Variants in PNPLA6 observed in about 807,000 individuals in gnomAD.
PNPLA6 encodes patatin like domain 6, lysophospholipase.
PNPLA6 carries 105 observed loss-of-function variants against 153.7 expected under a neutral mutation model. That is an observed-to-expected ratio of 0.68 (90% confidence interval 0.58 to 0.80). The LOEUF is 0.80. Ranked by LOEUF, PNPLA6 falls within the 30% of genes least tolerant of loss-of-function variation. The probability of loss-of-function intolerance (pLI) is 0.00; values close to 1 mark genes in which losing one functional copy is unlikely to be tolerated. For synonymous variants in PNPLA6, 825 were observed against 822.2 expected (o/e 1.00, Z -0.06); for missense variants, 1,423 against 1,919.3 (o/e 0.74, Z 4.83).
chr19:7,539,324 A>G (rs1298088911), intron 3 of PNPLA6, among the ~76,000 whole-genome samples: 2 of 151,542 alleles, frequency 1.3e-5, no homozygotes, highest in Non-Finnish European at 2.9e-5. Context: ...CTAAAAATAC[A>G]AAAAATTAGC....
At position 7,551,357 on chromosome 19, in the gene PNPLA6, C is replaced by T; in HGVS notation, c.2185-5C>T. On this transcript the variant is annotated splice_polypyrimidine_tract_variant and splice_region_variant and intron_variant, in intron 17 of 31. Coordinates refer to ENST00000600737, the MANE Select transcript of PNPLA6 (RefSeq NM_001166114.2). ...CACTGAAATGCCGGCCTCCAACGCC[C>T]CCAGGTCGTGACCCGCCTTATCCAC... The T allele has an allele frequency of 6.2e-7, 1 of 1,613,870 alleles. No homozygotes were observed. Among genetic ancestry groups the T allele is most frequent in the Non-Finnish European group, 8.5e-7 (1 of 1,179,894 alleles).
chr19:7,539,779 AAG>A, intron 3 of PNPLA6, 137 bp from the exon 4 acceptor site: 1 of 594,222 alleles, frequency 1.7e-6, no homozygotes, highest in East Asian at 2.8e-5. Context: ...AAAAAAAAAA[AAG>A]GTGGCCAGCC....
At position 7,542,651 on chromosome 19, in the gene PNPLA6, C is replaced by G. The variant is rs144028775; in HGVS notation, c.1343C>G (p.Ser448Cys). The G allele has an allele frequency of 1.3e-4, 204 of 1,612,954 alleles. No individual in the cohort carries two copies. Among genetic ancestry groups the G allele is most frequent in the Non-Finnish European group, 1.3e-4 (159 of 1,179,802 alleles). The change falls in exon 11 of 32, where the codon TCC (serine) becomes TGC (cysteine). Residue 448 changes from serine (S) to cysteine (C), a missense_variant. This residue lies in a region of PNPLA6 where 267 missense variants were observed against 255.1 expected (regional missense o/e 1.05). Transcript: ENST00000600737. ...VSLQEEASGG[S>C]LAAPARTPTQ... ...CTGCAGGAAGAGGCCTCCGGGGGGTCCCTGGCAGCCCCCGCTCGGGTAAGG... is the reference window on the plus strand; with the variant it reads ...CTGCAGGAAGAGGCCTCCGGGGGGTGCCTGGCAGCCCCCGCTCGGGTAAGG...
rs115992487 is a variant in PNPLA6 at position 7,549,873 on chromosome 19, G to T, written c.1609-34G>T. On this transcript the variant is annotated intron_variant, in intron 13 of 31. Transcript: ENST00000600737. ...CCTGAGCTGGGGTCCACGCTGTCCG[G>T]GTTCTGTGTTCATCACATCCCCTGC... The T allele has an allele frequency of 2.5e-3, 3,991 of 1,605,374 alleles. 86 individuals carry two copies. In the African/African-American group the frequency reaches 0.046, roughly 19 times the overall value.
Position 7,536,487 on chromosome 19 carries a change from C to T in PNPLA6, c.354C>T (p.Val118=), listed in dbSNP as rs1466287740. ...QSTSSLVDTS[V]SATSRPRMRK... is the part of the protein sequence containing the mutation. ...CCTCCTCCCTCGTGGATACCTCTGTCTCCGCCACCTCCCGGCCACGCATGA... is the reference window on the plus strand; with the variant it reads ...CCTCCTCCCTCGTGGATACCTCTGTTTCCGCCACCTCCCGGCCACGCATGA... Residue 118 remains valine, a synonymous_variant, in exon 3 of 32, where the codon GTC becomes GTT. Transcript: ENST00000600737. 6.2e-7 allele frequency: 1 copy of T among 1,613,972 alleles called. No individual in the cohort carries two copies. The highest frequency in any genetic ancestry group is 8.5e-7 in the Non-Finnish European group (1 of 1,179,826).
At chr19:7,535,275 G>A (rs2022794028), upstream of PNPLA6, 2 of 591,146 alleles carry the variant, frequency 3.4e-6, no homozygotes, top group African/African-American at 1.9e-5. The surrounding 1 kb of genome is among the most constrained non-coding windows in gnomAD (Gnocchi z 5.0). Flanking sequence ...CTACGCGTAG[G>A]CGAAGGGAGC....
intron 27 of PNPLA6, 195 bp downstream of exon 27, chr19:7,557,479 T>C (rs2023933972): frequency 1.6e-6 from 1 of 644,324 alleles, no homozygotes; most frequent in South Asian, 1.7e-5. Flanking sequence ...GACAGCGACA[T>C]GTGCAGTTGA....
At position 7,541,507 on chromosome 19, in the gene PNPLA6, G is replaced by C. The variant is rs1224962546; in HGVS notation, c.1006-15G>C. 4 of 1,611,188 alleles carry C rather than the reference G, an allele frequency of 2.5e-6. No homozygotes were observed. The highest frequency in any genetic ancestry group is 3.4e-6 in the Non-Finnish European group (4 of 1,178,924). ...TCCCTCCCAGGACAGGCCACAAGCTGTTCTCTGCCCCCAGGAGATCCAGCC... is the reference window on the plus strand; with the variant it reads ...TCCCTCCCAGGACAGGCCACAAGCTCTTCTCTGCCCCCAGGAGATCCAGCC... On this transcript the variant is annotated splice_polypyrimidine_tract_variant and intron_variant, in intron 8 of 31. Transcript: ENST00000600737. The surrounding 1 kb of genome is among the most constrained non-coding windows in gnomAD (Gnocchi z 5.2).
At chr19:7,551,642 C>T (rs2023656921) in intron 18 of PNPLA6, among the ~76,000 whole-genome samples, 1 of 152,080 alleles carries the variant, frequency 6.6e-6, no homozygotes, top group Non-Finnish European at 1.5e-5. Context: ...TGCTGGGAAA[C>T]GAAGTCCTCG....
chr19:7,537,553 C>T (rs950252960), intron 3 of PNPLA6, among the ~76,000 whole-genome samples: 1 of 152,202 alleles, frequency 6.6e-6, no homozygotes, highest in Non-Finnish European at 1.5e-5. Flanking sequence ...ATGTAGTCTA[C>T]CTGGAGGTCT....
chr19:7,536,541 C>G lies in PNPLA6; in HGVS notation c.408C>G (p.Ala136=), dbSNP rs139856654. Residue 136 remains alanine (A), a synonymous_variant, in exon 3 of 32, where the codon GCC becomes GCG. Coordinates refer to ENST00000600737, the MANE Select transcript of PNPLA6 (RefSeq NM_001166114.2). ...MRKKLKMLNI[A]KKILRIQKET... is the part of the protein sequence containing the mutation. ...AGAAACTGAAGATGCTCAACATTGC[C>G]AAGAAGTAAGGCTGTGCTGGGTGTG... The G allele has an allele frequency of 6.2e-7, 1 of 1,609,176 alleles. No homozygotes were observed. Among genetic ancestry groups the G allele is most frequent in the African/African-American group, 1.3e-5 (1 of 74,844 alleles).
chr19:7,535,139 C>T, upstream of PNPLA6: 2 of 372,770 alleles, frequency 5.4e-6, no homozygotes, highest in Non-Finnish European at 1.0e-5. The surrounding 1 kb of genome is among the most constrained non-coding windows in gnomAD (Gnocchi z 5.0). Flanking sequence ...GGCAGTGACC[C>T]GGGAGGAAGT....
At chr19:7,550,782 AC>A in intron 16 of PNPLA6, 142 bp downstream of exon 16, 1 of 1,145,824 alleles carries the variant, frequency 8.7e-7, no homozygotes, top group Non-Finnish European at 1.2e-6. Context: ...CCCCGCCCAG[AC>A]CTCATTTCGT....
chr19:7,556,311 C>G (rs1456995028), intron 24 of PNPLA6, 142 bp from the exon 25 acceptor site: 6 of 756,054 alleles, frequency 7.9e-6, no homozygotes, highest in Non-Finnish European at 1.5e-5. Context: ...GATCTGCCCG[C>G]CTTGGCCTCC....
At chr19:7,539,348 A>G (rs933538876) in intron 3 of PNPLA6, among the ~76,000 whole-genome samples, 2 of 151,828 alleles carry the variant, frequency 1.3e-5, no homozygotes, top group African/African-American at 4.8e-5. Context: ...GCGTGGTGGC[A>G]CCCACCTGTA....
chr19:7,543,889 C>A (rs368638208), intron 13 of PNPLA6, among the ~76,000 whole-genome samples: 1 of 151,416 alleles, frequency 6.6e-6, no homozygotes, highest in Non-Finnish European at 1.5e-5. Context: ...CGGTGGCTCA[C>A]TGCAAGCTCC....
intron 27 of PNPLA6, among the ~76,000 whole-genome samples, chr19:7,557,769 G>A (rs2023945427): frequency 7.6e-6 from 1 of 131,142 alleles, no homozygotes. Context: ...GGGCGACAGA[G>A]CAAGACTCAG....
At chr19:7,553,107 T>C (rs943005490) in intron 18 of PNPLA6, among the ~76,000 whole-genome samples, 3 of 151,992 alleles carry the variant, frequency 2.0e-5, no homozygotes, top group Non-Finnish European at 4.4e-5. Flanking sequence ...TATTGTTAGA[T>C]TGGGGAGGAA....
At chr19:7,536,581 G>A (rs748639743) in intron 3 of PNPLA6, 35 bp downstream of exon 3, 6 of 1,376,382 alleles carry the variant, frequency 4.4e-6, no homozygotes, top group African/African-American at 1.4e-5. Flanking sequence ...GGTATTAGGG[G>A]TTATCTCAGG....
Sources: allele counts gnomAD v4.1 joint callset (sites outside exome capture counted in the v4.1 genomes callset), GRCh38; gene constraint gnomAD v4.1.1; regional missense constraint gnomAD v4.1.1; non-coding constraint Gnocchi (gnomAD v3.1); transcripts MANE v1.5; gene names NCBI Gene and HGNC (gene_info 2026-07-23, HGNC 2026-07-21).